The following DTX1 variants were observed in gnomAD, a reference collection of about 807,000 sequenced individuals.
DTX1 encodes the protein deltex E3 ubiquitin ligase 1.
DTX1 carries 26 observed loss-of-function variants against 57.8 expected under a neutral mutation model. That is an observed-to-expected ratio of 0.45 (90% CI 0.33 to 0.62). The LOEUF (loss-of-function observed/expected upper bound fraction) is 0.62, where lower values mean the gene tolerates loss of function less well. Among genes scored for constraint, DTX1 ranks in the 20% least tolerant of loss-of-function variants. The probability of loss-of-function intolerance (pLI) is 0.02; values close to 1 mark genes in which losing one functional copy is unlikely to be tolerated. For synonymous variants in DTX1, 398 were observed against 394.1 expected, an observed-to-expected ratio of 1.01 and a Z score of -0.12; for missense variants, 704 against 895.3, an observed-to-expected ratio of 0.79 and a Z score of 2.73.
At chr12:113,095,021 C>T (rs1950277495) in intron 7 of DTX1, 21 bp from the exon 8 acceptor site, 2 of 1,604,502 alleles carry the variant, frequency 1.2e-6, no homozygotes, top group African/African-American at 1.3e-5. Flanking sequence ...TGGGAACTCA[C>T]TGCCAGCCTC....
intron 3 of DTX1, among the ~76,000 whole-genome samples, chr12:113,085,135 C>T (rs969899698): frequency 2.6e-5 from 4 of 151,930 alleles, no homozygotes; most frequent in Admixed American, 6.6e-5. Flanking sequence ...CTGCAACCTC[C>T]GCCTCCCAGG....
chr12:113,059,710 T>C (rs2044653431), intron 2 of DTX1, among the ~76,000 whole-genome samples: 1 of 152,210 alleles, frequency 6.6e-6, no homozygotes, highest in African/African-American at 2.4e-5. Context: ...TATGAATCCC[T>C]GGATGACAGA....
At chr12:113,078,546 C>G (rs757976064) in intron 3 of DTX1, among the ~76,000 whole-genome samples, 1 of 152,160 alleles carries the variant, frequency 6.6e-6, no homozygotes, top group African/African-American at 2.4e-5. Context: ...AGCTATGGTG[C>G]CTTCTCATTT....
At chr12:113,079,710 G>GTGTA (rs2044802497) in intron 3 of DTX1, among the ~76,000 whole-genome samples, 1 of 150,108 alleles carries the variant, frequency 6.7e-6, no homozygotes, top group African/African-American at 2.5e-5. Context: ...GTGTGTGTGT[G>GTGTA]TGTGTGTGTG....
At position 113,077,845 on chromosome 12, in the gene DTX1, C is replaced by T. The variant is rs1566016991; in HGVS notation, c.681C>T (p.Pro227=). ...AILASQRRKA[P]PAPPLPPPPP... is the part of the protein sequence containing the mutation. ...TGGCCTCGCAGCGCCGCAAGGCGCC[C>T]CCCGCGCCCCCGCTGCCGCCGCCGC... is the stretch of plus-strand genomic sequence containing the variant. Residue 227 remains proline (P), a synonymous_variant, in exon 3 of 10, where the codon CCC becomes CCT. Coordinates refer to ENST00000548759, the MANE Select transcript of DTX1 (RefSeq NM_004416.3). The surrounding 1 kb of genome is among the most constrained non-coding windows in gnomAD (Gnocchi z 7.8). The T allele has an allele frequency of 6.7e-6, 9 of 1,334,916 alleles. No homozygotes were observed. Among genetic ancestry groups the T allele is most frequent in the Non-Finnish European group, 8.5e-6 (9 of 1,053,028 alleles). The allele number at this position is 1,334,916 out of a possible 1,614,324, so 82.7% of individuals were successfully genotyped here.
chr12:113,077,347 C>A lies in DTX1; in HGVS notation c.260-77C>A. On this transcript the variant is annotated intron_variant, in intron 2 of 9. Transcript: ENST00000548759. The surrounding 1 kb of genome is among the most constrained non-coding windows in gnomAD (Gnocchi z 7.8). The stretch of plus-strand genomic sequence containing the variant: ...CCCCCCAACCTCCCGCCCACCCTTG[C>A]CTGGCTGTGGCCCGCCCTTCCAGCC... The A allele has an allele frequency of 7.0e-7, 1 of 1,428,478 alleles. No individual in the cohort carries two copies. The highest frequency in any genetic ancestry group is 9.4e-7 in the Non-Finnish European group (1 of 1,069,326). 88.5% of individuals were successfully genotyped at this position (1,428,478 alleles called of 1,614,324 possible).
At position 113,093,424 on chromosome 12, in the gene DTX1, G is replaced by GC; in HGVS notation, c.1004-112dup. On this transcript the variant is annotated intron_variant, in intron 4 of 9. Transcript: ENST00000548759. The surrounding 1 kb of genome is among the most constrained non-coding windows in gnomAD (Gnocchi z 4.2). The stretch of plus-strand genomic sequence containing the variant: ...GCCTTCAAGGGGCTGAGTGGGTGGG[G>GC]CCCAAGAGCGCAACCCTCCCACCCA... 7.3e-7 allele frequency: 1 copy of GC among 1,367,300 alleles called. No individual in the cohort carries two copies. The highest frequency in any genetic ancestry group is 1.5e-5 in the South Asian group (1 of 65,252). 84.7% of individuals were successfully genotyped at this position (1,367,300 alleles called of 1,614,324 possible). A position where few individuals can be genotyped will look rare whatever the true frequency, so the allele number is the denominator to read the frequency against.
chr12:113,067,046 G>A (rs1262849069), intron 2 of DTX1, among the ~76,000 whole-genome samples: 4 of 152,138 alleles, frequency 2.6e-5, no homozygotes, highest in African/African-American at 7.2e-5. Flanking sequence ...GTGGCAGGCC[G>A]GTGACGGGGT....
At chr12:113,094,359 T>G (rs1257821500) in intron 6 of DTX1, among the ~76,000 whole-genome samples, 1 of 152,256 alleles carries the variant, frequency 6.6e-6, no homozygotes, top group Non-Finnish European at 1.5e-5. Flanking sequence ...AGTTAAGCCC[T>G]TAATTCACCT....
chr12:113,066,758 G>C (rs1484098005), intron 2 of DTX1, among the ~76,000 whole-genome samples: 1 of 152,190 alleles, frequency 6.6e-6, no homozygotes, highest in African/African-American at 2.4e-5. Flanking sequence ...CAACAGGACA[G>C]ACACAGAAGC....
Position 113,077,497 on chromosome 12 carries a change from G to C in DTX1, c.333G>C (p.Trp111Cys). 1 of 1,613,126 alleles carries C rather than the reference G, an allele frequency of 6.2e-7. No homozygotes were observed. The highest frequency in any genetic ancestry group is 8.5e-7 in the Non-Finnish European group (1 of 1,179,898). The change falls in exon 3 of 10, where the codon TGG becomes TGC. Residue 111 changes from tryptophan (W) to cysteine (C), a missense_variant. Transcript: ENST00000548759. This position sits in a 1 kb window ranked among gnomAD's most constrained non-coding sequence, Gnocchi z 7.8. ...CGGGCAAGGGCATCGTGTGGGAGTG[G>C]GAGAACGACGGCGGCGCATGGACGG... The part of the protein sequence containing the change: ...SAPGKGIVWE[W>C]ENDGGAWTAY...
intron 3 of DTX1, among the ~76,000 whole-genome samples, chr12:113,091,895 T>A (rs1950251337): frequency 6.6e-6 from 1 of 152,078 alleles, no homozygotes; most frequent in Non-Finnish European, 1.5e-5. Flanking sequence ...CCCCTCTTCA[T>A]CAGAACGTAT....
chr12:113,069,832 G>A (rs1354398950), intron 2 of DTX1, among the ~76,000 whole-genome samples: 1 of 152,206 alleles, frequency 6.6e-6, no homozygotes, highest in Non-Finnish European at 1.5e-5. Context: ...TCGGTAAGGT[G>A]TTGGGTGCCG....
At chr12:113,069,123 C>A (rs561410202) in intron 2 of DTX1, among the ~76,000 whole-genome samples, 40 of 152,272 alleles carry the variant, frequency 2.6e-4, no homozygotes, top group Non-Finnish European at 4.3e-4. Context: ...CATAGTAGGC[C>A]CTCTGGGAGT....
At chr12:113,090,916 T>A (rs1231971464) in intron 3 of DTX1, among the ~76,000 whole-genome samples, 1 of 152,004 alleles carries the variant, frequency 6.6e-6, no homozygotes, top group East Asian at 1.9e-4. Context: ...GTGCAGTGAG[T>A]CAGCGTGTCC....
rs766783302 is a variant in DTX1 at position 113,058,247 on chromosome 12, C to T, written c.55C>T (p.Pro19Ser). The T allele has an allele frequency of 6.2e-6, 10 of 1,613,506 alleles. No homozygotes were observed. The highest frequency in any genetic ancestry group is 6.8e-6 in the Non-Finnish European group (8 of 1,179,960). The change falls in exon 2 of 10, where the codon CCG (proline) becomes TCG (serine). Residue 19 changes from proline to serine, a missense_variant. By Grantham distance (74) the Pro-to-Ser change is moderately conservative (BLOSUM62 -1). Around this residue, in one of 3 missense-constraint regions of DTX1, gnomAD observed 237 missense variants for 328.6 expected, o/e 0.72. Coordinates refer to ENST00000548759, the MANE Select transcript of DTX1 (RefSeq NM_004416.3). ...LMPVNGLGFP[P>S]QNVARVVVWE... ...GCCTGTGAATGGTCTGGGCTTCCCACCGCAGAACGTGGCCCGGGTGGTGGT... is the reference window on the plus strand; with the variant it reads ...GCCTGTGAATGGTCTGGGCTTCCCATCGCAGAACGTGGCCCGGGTGGTGGT...
rs955094690 is a variant in DTX1 at position 113,057,481 on chromosome 12, C to G, written c.-712C>G. 1.3e-5 allele frequency: 2 copies of G among 152,566 alleles called. No individual in the cohort carries two copies. Among genetic ancestry groups the G allele is most frequent in the African/African-American group, 2.4e-5 (1 of 41,524 alleles). 9.5% of individuals were successfully genotyped at this position (152,566 alleles called of 1,614,324 possible). ...GCACGAGTGGGGTGGGGCGTGCCCA[C>G]GGGCCCCCGCCCCCCTCGTCCCCCT... On this transcript the variant is annotated 5_prime_UTR_variant, in exon 2 of 10. Transcript: ENST00000548759.
At chr12:113,095,840 G>A (rs1045003907) in intron 9 of DTX1, among the ~76,000 whole-genome samples, 3 of 152,228 alleles carry the variant, frequency 2.0e-5, no homozygotes, top group African/African-American at 7.2e-5. Context: ...TAATTTACAA[G>A]TGGCTCTTTA....
chr12:113,058,531 A>G (rs2136421069), intron 2 of DTX1, 80 bp downstream of exon 2: 4 of 1,526,658 alleles, frequency 2.6e-6, no homozygotes, highest in Admixed American at 1.9e-5. Context: ...AAATCCCAGT[A>G]AATCTGCTGA....
Sources: allele counts gnomAD v4.1 joint callset (sites outside exome capture counted in the v4.1 genomes callset), GRCh38; gene constraint gnomAD v4.1.1; regional missense constraint gnomAD v4.1.1; non-coding constraint Gnocchi (gnomAD v3.1); transcripts MANE v1.5; gene names NCBI Gene and HGNC (gene_info 2026-07-23, HGNC 2026-07-21).